MYCBP2: variants seen among roughly 807,000 people sequenced by gnomAD.
MYCBP2 encodes the protein MYC binding protein 2, also known as E3 ubiquitin-protein ligase MYCBP2.
Under a neutral mutation model 525.3 loss-of-function variants are expected in MYCBP2, and 120 were observed. The ratio of observed to expected loss-of-function variants is 0.23; its 90% CI spans 0.20 to 0.27. The LOEUF (loss-of-function observed/expected upper bound fraction) is 0.27. Ranked by LOEUF, MYCBP2 falls within the 10% of genes least tolerant of loss-of-function variation. The probability of loss-of-function intolerance (pLI) is 1.00; values close to 1 mark genes in which losing one functional copy is unlikely to be tolerated. For missense variants in MYCBP2, 4,149 were observed against 5,657.1 expected (o/e 0.73, Z 8.55); for synonymous variants, 1,894 against 1,955.8 (o/e 0.97, Z 0.83).
chr13:77,225,823 C>T (rs558000578), intron 18 of MYCBP2, among the ~76,000 whole-genome samples: 46 of 152,090 alleles, frequency 3.0e-4, no homozygotes, highest in East Asian at 2.1e-3. Flanking sequence ...ATGTAATAAA[C>T]GGGTCATTAA....
At position 77,326,864 on chromosome 13, in the gene MYCBP2, G is replaced by A. The variant is rs902424277; in HGVS notation, c.-89C>T. ...GCACACACAGCCCTTTTCCAACGAC[G>A]ACGGCTCCGGCGGCGGCCTCTGGCT... On this transcript the variant is annotated 5_prime_UTR_variant, in exon 1 of 83. Transcript: ENST00000544440. This position sits in a 1 kb window ranked among gnomAD's most constrained non-coding sequence, Gnocchi z 4.2. 5 of 1,257,348 alleles carry A rather than the reference G, an allele frequency of 4.0e-6. No individual in the cohort carries two copies. Among genetic ancestry groups the A allele is most frequent in the African/African-American group, 1.6e-5 (1 of 63,128 alleles). 77.9% of individuals were successfully genotyped at this position (1,257,348 alleles called of 1,614,324 possible).
intron 14 of MYCBP2, among the ~76,000 whole-genome samples, chr13:77,253,715 A>G (rs2071623592): frequency 6.6e-6 from 1 of 151,982 alleles, no homozygotes; most frequent in Admixed American, 6.6e-5. Flanking sequence ...TCCTGCATGC[A>G]TATTATACTT....
chr13:77,088,420 T>C (rs547617965), intron 61 of MYCBP2, among the ~76,000 whole-genome samples: 1 of 152,246 alleles, frequency 6.6e-6, no homozygotes. Context: ...GCCTGTAATA[T>C]ACAGTAATCC....
chr13:77,056,171 G>A (rs1007349611), intron 79 of MYCBP2, among the ~76,000 whole-genome samples: 36 of 144,274 alleles, frequency 2.5e-4, no homozygotes, highest in African/African-American at 8.7e-4. Context: ...TTGCTTCCTT[G>A]AGGGGAAGGC....
intron 52 of MYCBP2, among the ~76,000 whole-genome samples, chr13:77,127,729 A>G (rs1436344340): frequency 1.3e-5 from 2 of 151,910 alleles, no homozygotes; most frequent in East Asian, 1.9e-4. Context: ...ACATGTTCAT[A>G]CACACAGTAA....
rs752482473 is a variant in MYCBP2 at position 77,096,316 on chromosome 13, T to C, written c.9950A>G (p.Glu3317Gly). Residue 3317 changes from glutamate (E) to glycine (G), a missense_variant, in exon 57 of 83, where the codon GAG becomes GGG. By Grantham distance (98) the Glu-to-Gly change is moderately conservative. This residue lies in a region of MYCBP2 where 509 missense variants were observed against 789.4 expected (regional missense o/e 0.64). Coordinates refer to ENST00000544440, the MANE Select transcript of MYCBP2 (RefSeq NM_015057.5). ...GCTCCAAATGGAATAAAATACCTTC[T>C]CCCTTGCAGCAGCCTGTTTTTCGCG... ...YLREKQAAAREKVKQSRRKPM... is the reference protein window; with the variant it reads ...YLREKQAAARGKVKQSRRKPM... 19 of 1,612,858 alleles carry C rather than the reference T, an allele frequency of 1.2e-5. No homozygotes were observed. The highest frequency in any genetic ancestry group is 1.5e-5 in the Non-Finnish European group (18 of 1,179,356).
chr13:77,221,687 A>C (rs1322263539), intron 20 of MYCBP2, among the ~76,000 whole-genome samples: 2 of 152,180 alleles, frequency 1.3e-5, no homozygotes, highest in Non-Finnish European at 2.9e-5. Context: ...CACCAGCTAA[A>C]TAACAACAAC....
intron 14 of MYCBP2, among the ~76,000 whole-genome samples, chr13:77,255,972 C>T (rs1484912086): frequency 6.6e-6 from 1 of 151,896 alleles, no homozygotes; most frequent in Non-Finnish European, 1.5e-5. Flanking sequence ...ACGATAGCAG[C>T]TAGATATAAA....
chr13:77,142,397 T>C (rs189812383), intron 49 of MYCBP2, among the ~76,000 whole-genome samples: 14 of 152,298 alleles, frequency 9.2e-5, no homozygotes, highest in Middle Eastern at 3.4e-3. Context: ...AGGCTGCTGG[T>C]GAAGGTCTCT....
At chr13:77,237,996 C>A (rs1034121934) in intron 17 of MYCBP2, among the ~76,000 whole-genome samples, 1 of 152,112 alleles carries the variant, frequency 6.6e-6, no homozygotes, top group African/African-American at 2.4e-5. Context: ...GTAATCCCAG[C>A]ACTTTGGGAG....
intron 66 of MYCBP2, 107 bp from the exon 67 acceptor site, chr13:77,077,494 A>T (rs915571293): frequency 2.3e-5 from 31 of 1,339,252 alleles, no homozygotes; most frequent in Non-Finnish European, 3.1e-5. Flanking sequence ...AGAATTGCAC[A>T]GAGTAAAGGT....
At chr13:77,050,917 A>C in intron 82 of MYCBP2, 80 bp downstream of exon 82, 1 of 1,269,966 alleles carries the variant, frequency 7.9e-7, no homozygotes, top group South Asian at 1.4e-5. Flanking sequence ...CTGTCACTTG[A>C]AACAGAGCTT....
chr13:77,160,280 A>C (rs997941050), intron 44 of MYCBP2, among the ~76,000 whole-genome samples: 1 of 152,178 alleles, frequency 6.6e-6, no homozygotes, highest in Non-Finnish European at 1.5e-5. Flanking sequence ...AACAAATCCC[A>C]GTGCAGTTGC....
chr13:77,074,171 G>A (rs890045837), intron 68 of MYCBP2, among the ~76,000 whole-genome samples: 2 of 151,982 alleles, frequency 1.3e-5, no homozygotes, highest in Non-Finnish European at 2.9e-5. Flanking sequence ...ATGGATCAAT[G>A]GAGCAGAATA....
chr13:77,181,575 G>A (rs1415095550), intron 33 of MYCBP2, 126 bp downstream of exon 33: 11 of 543,750 alleles, frequency 2.0e-5, no homozygotes, highest in Non-Finnish European at 3.5e-5. Flanking sequence ...AGAAGAATAA[G>A]CACCAAGCTA....
chr13:77,309,212 G>A (rs748049194), intron 1 of MYCBP2, among the ~76,000 whole-genome samples: 1 of 152,146 alleles, frequency 6.6e-6, no homozygotes, highest in Non-Finnish European at 1.5e-5. Flanking sequence ...CTGAAAAAAG[G>A]AGGTGAAGTG....
chr13:77,083,379 T>C (rs1248916063), intron 62 of MYCBP2, among the ~76,000 whole-genome samples, 187 bp from the exon 63 acceptor site: 1 of 152,158 alleles, frequency 6.6e-6, no homozygotes, highest in Admixed American at 6.6e-5. Flanking sequence ...AAAAAAGCTG[T>C]AAGTTTAGTC....
At chr13:77,268,965 T>C (rs2074475677) in intron 7 of MYCBP2, among the ~76,000 whole-genome samples, 1 of 152,186 alleles carries the variant, frequency 6.6e-6, no homozygotes, top group Admixed American at 6.5e-5. Context: ...TTATTCTTTA[T>C]CCTTATACAA....
chr13:77,161,735 G>A (rs1450155671), intron 44 of MYCBP2, among the ~76,000 whole-genome samples, 171 bp downstream of exon 44: 2 of 152,098 alleles, frequency 1.3e-5, no homozygotes, highest in Non-Finnish European at 2.9e-5. Context: ...GCTCACATGG[G>A]TTTCTCCCAC....
Sources: allele counts gnomAD v4.1 joint callset (sites outside exome capture counted in the v4.1 genomes callset), GRCh38; gene constraint gnomAD v4.1.1; regional missense constraint gnomAD v4.1.1; non-coding constraint Gnocchi (gnomAD v3.1); transcripts MANE v1.5; gene names NCBI Gene and HGNC (gene_info 2026-07-23, HGNC 2026-07-21).